INTS10: variants seen among roughly 807,000 people sequenced by gnomAD.
INTS10 encodes the protein chromosome 8 open reading frame 35.
A neutral mutation model predicts 94.4 loss-of-function variants in INTS10; 44 were observed. The observed-to-expected ratio is 0.47, with a 90% CI of 0.37 to 0.60. INTS10 has a LOEUF of 0.60. Ranked by LOEUF, INTS10 falls within the 20% of genes least tolerant of loss-of-function variation. INTS10 has a pLI of 0.00. For synonymous variants in INTS10, 341 were observed against 320.7 expected (o/e 1.06, Z -0.68); for missense variants, 797 against 868.7 (o/e 0.92, Z 1.04).
At position 19,832,055 on chromosome 8, in the gene INTS10, A is replaced by G. The variant is rs2067269449; in HGVS notation, c.1322A>G (p.Lys441Arg). The change falls in exon 11 of 17, where the codon AAG becomes AGG. Residue 441 changes from lysine to arginine, a missense_variant. Lys to Arg is a conservative substitution (Grantham distance 26). Transcript: ENST00000397977. ...KEFTRICLAWKTDTWLWLRIF... is the reference protein window; with the variant it reads ...KEFTRICLAWRTDTWLWLRIF... ...TTTACAAGGATTTGCTTGGCCTGGA[A>G]GACGGATACTTGGCTTTGGTTAAGA... 1 of 1,606,636 alleles carries G rather than the reference A, an allele frequency of 6.2e-7. No individual in the cohort carries two copies. Among genetic ancestry groups the G allele is most frequent in the African/African-American group, 1.3e-5 (1 of 74,772 alleles).
chr8:19,837,897 T>C (rs933181735), intron 13 of INTS10, among the ~76,000 whole-genome samples: 1 of 149,982 alleles, frequency 6.7e-6, no homozygotes, highest in Non-Finnish European at 1.5e-5. Flanking sequence ...ATTACCAGTA[T>C]CAGAAATGAA....
chr8:19,817,862 C>T (rs903073073), intron 1 of INTS10, among the ~76,000 whole-genome samples, 196 bp downstream of exon 1: 3 of 151,708 alleles, frequency 2.0e-5, no homozygotes, highest in Non-Finnish European at 2.9e-5. Context: ...CGCCTTGCTC[C>T]TACACCTTCC....
chr8:19,835,511 A>C (rs147513128), intron 12 of INTS10, among the ~76,000 whole-genome samples: 1 of 152,356 alleles, frequency 6.6e-6, no homozygotes, highest in Non-Finnish European at 1.5e-5. Context: ...ATAGGCATTC[A>C]GGGAAGGGTG....
intron 15 of INTS10, 74 bp from the exon 16 acceptor site, chr8:19,845,630 C>T: frequency 2.9e-6 from 3 of 1,030,654 alleles, no homozygotes; most frequent in East Asian, 2.4e-5. Context: ...TACTCAACTG[C>T]CGAGACCCCA....
In INTS10 at chr8:19,851,117, A is replaced by G. The variant is rs1490142447; in HGVS notation, c.1977-532A>G. 6.6e-6 allele frequency among the ~76,000 whole-genome samples: 1 copy of G among 152,144 alleles called. No homozygotes were observed. Among genetic ancestry groups the G allele is most frequent in the Non-Finnish European group, 1.5e-5 (1 of 68,032 alleles). On this transcript the variant is annotated intron_variant, in intron 16 of 16. Transcript: ENST00000397977. The surrounding 1 kb of genome is among the most constrained non-coding windows in gnomAD (Gnocchi z 5.0). ...GCTGCCCTATTCTGGTGTCCTGGGG[A>G]GAGAGACGTGCTTGTGACCCCGGCT...
Position 19,844,238 on chromosome 8 carries a change from A to G in INTS10, c.1882A>G (p.Asn628Asp). 6.3e-7 allele frequency: 1 copy of G among 1,598,572 alleles called. No homozygotes were observed. Among genetic ancestry groups the G allele is most frequent in the Non-Finnish European group, 8.6e-7 (1 of 1,166,904 alleles). Residue 628 changes from asparagine to aspartate, a missense_variant and splice_region_variant, in exon 15 of 17, where the codon AAT becomes GAT. Physicochemically the swap from Asn to Asp is conservative, Grantham distance 23 (BLOSUM62 1). Transcript: ENST00000397977. Reference protein sequence around the residue: ...QYENFFNYVTNIDMLEEFAYL... With the variant: ...QYENFFNYVTDIDMLEEFAYL... The stretch of plus-strand genomic sequence containing the variant: ...TGAGAATTTTTTCAATTACGTTACA[A>G]GTATCCTTTTTTCTTGTTTAAGCAT...
intron 9 of INTS10, among the ~76,000 whole-genome samples, chr8:19,827,510 C>T (rs1218078605): frequency 6.6e-6 from 1 of 152,186 alleles, no homozygotes; most frequent in Non-Finnish European, 1.5e-5. Flanking sequence ...ATTTTCTCTG[C>T]CTCGTCCTCT....
chr8:19,844,108 G>A lies in INTS10; in HGVS notation c.1752G>A (p.Met584Ile). The A allele has an allele frequency of 6.2e-7, 1 of 1,611,940 alleles. No homozygotes were observed. The highest frequency in any genetic ancestry group is 8.5e-7 in the Non-Finnish European group (1 of 1,178,838). Reference sequence around the variant, plus strand: ...CTTTCACAGACAACAGAGACGACATGGCATTGGGGCATGTGATTGTGTTGC... The same window carrying A: ...CTTTCACAGACAACAGAGACGACATAGCATTGGGGCATGTGATTGTGTTGC... ...LRAFTDNRDD[M>I]ALGHVIVLLQ... is the part of the protein sequence containing the mutation. Residue 584 changes from methionine (M) to isoleucine (I), a missense_variant, in exon 15 of 17, where the codon ATG (methionine) becomes ATA (isoleucine). By Grantham distance (10) the Met-to-Ile change is conservative (BLOSUM62 1). This residue lies in a region of INTS10 where 734 missense variants were observed against 787.8 expected (regional missense o/e 0.93). Transcript: ENST00000397977.
chr8:19,831,992 T>C (rs1309582664), intron 10 of INTS10, 36 bp from the exon 11 acceptor site: 2 of 1,194,296 alleles, frequency 1.7e-6, no homozygotes, highest in Non-Finnish European at 2.5e-6. Context: ...CTTTGCTGCA[T>C]ATATTTGGTA....
chr8:19,839,563 G>GT (rs2067951536), intron 13 of INTS10, among the ~76,000 whole-genome samples: 1 of 151,968 alleles, frequency 6.6e-6, no homozygotes, highest in African/African-American at 2.4e-5. Flanking sequence ...GTCAGGCTTA[G>GT]TGGTGTGCAC....
At position 19,838,068 on chromosome 8, in the gene INTS10, A is replaced by G. The variant is rs1227826037; in HGVS notation, c.1639+908A>G. On this transcript the variant is annotated intron_variant, in intron 13 of 16. Transcript: ENST00000397977. The stretch of plus-strand genomic sequence containing the variant: ...CACAAAAAATAAACAGAAAATCAGA[A>G]TGTTCTGCCAGGAACAGTAGCTCAT... Among the ~76,000 whole-genome samples, 3 of 152,330 alleles carry G rather than the reference A, an allele frequency of 2.0e-5. No individual in the cohort carries two copies. In the East Asian group the frequency reaches 5.8e-4, roughly 29 times the overall value.
chr8:19,823,486 A>G (rs1376783148), intron 6 of INTS10, 45 bp downstream of exon 6: 8 of 1,318,312 alleles, frequency 6.1e-6, no homozygotes, highest in African/African-American at 1.5e-5. Flanking sequence ...GGCTTTAGTA[A>G]TATTGCAAAA....
chr8:19,835,074 G>C (rs1197415591), intron 12 of INTS10, among the ~76,000 whole-genome samples: 1 of 151,370 alleles, frequency 6.6e-6, no homozygotes, highest in Admixed American at 6.6e-5. Context: ...TAGACATTCA[G>C]ACCATAGTAC....
chr8:19,838,963 T>G (rs1382362608), intron 13 of INTS10, among the ~76,000 whole-genome samples: 1 of 151,976 alleles, frequency 6.6e-6, no homozygotes, highest in Non-Finnish European at 1.5e-5. Flanking sequence ...TCCCAGCTAC[T>G]CGGGAGGCTG....
chr8:19,850,750 C>T (rs2068959349), intron 16 of INTS10, among the ~76,000 whole-genome samples: 1 of 152,196 alleles, frequency 6.6e-6, no homozygotes, highest in Admixed American at 6.5e-5. Context: ...AAACTCCCTT[C>T]CTCTTAACTG....
rs2128821082 is a variant in INTS10, at chr8:19,851,936, C to A, written c.*131C>A. On this transcript the variant is annotated 3_prime_UTR_variant, in exon 17 of 17. Coordinates refer to ENST00000397977, the MANE Select transcript of INTS10 (RefSeq NM_018142.4). The surrounding 1 kb of genome is among the most constrained non-coding windows in gnomAD (Gnocchi z 5.0). The stretch of plus-strand genomic sequence containing the variant: ...AAGAAGAAAACCATCTGAGTTCTAA[C>A]TCCTTGGTTGCTTAAAAGTAGTTCC... The A allele has an allele frequency of 1.5e-6, 1 of 677,316 alleles. No individual in the cohort carries two copies. Among genetic ancestry groups the A allele is most frequent in the Non-Finnish European group, 2.4e-6 (1 of 421,954 alleles). 42.0% of individuals were successfully genotyped at this position (677,316 alleles called of 1,614,324 possible). A position where few individuals can be genotyped will look rare whatever the true frequency, so the allele number is the denominator to read the frequency against.
chr8:19,848,470 T>C (rs1047306607), intron 16 of INTS10, among the ~76,000 whole-genome samples: 1 of 152,074 alleles, frequency 6.6e-6, no homozygotes, highest in Non-Finnish European at 1.5e-5. Flanking sequence ...TGTATTAGAG[T>C]GGATTAAAAT....
chr8:19,845,677 T>C (rs779813144), intron 15 of INTS10, 27 bp from the exon 16 acceptor site: 2 of 1,541,890 alleles, frequency 1.3e-6, no homozygotes, highest in Non-Finnish European at 1.8e-6. Context: ...TTTTTTTACA[T>C]GTGGTTAACC....
Position 19,818,335 on chromosome 8 carries a change from T to A in INTS10, c.190T>A (p.Tyr64Asn). ...ERTATAGRLL[Y>N]DMFVNFPDQP... is the part of the protein sequence containing the mutation. ...GACCGCCACCGCCGGGAGGCTGCTG[T>A]ACGACATGTGAGTGGGACGCTTGAC... Residue 64 changes from tyrosine (Y) to asparagine (N), a missense_variant, in exon 2 of 17, where the codon TAC becomes AAC. Tyr to Asn is a moderately radical substitution (Grantham distance 143). Coordinates refer to ENST00000397977, the MANE Select transcript of INTS10 (RefSeq NM_018142.4). 6.2e-7 allele frequency: 1 copy of A among 1,614,174 alleles called. No individual in the cohort carries two copies. Among genetic ancestry groups the A allele is most frequent in the Admixed American group, 1.7e-5 (1 of 60,022 alleles).
Sources: allele counts gnomAD v4.1 joint callset (sites outside exome capture counted in the v4.1 genomes callset), GRCh38; gene constraint gnomAD v4.1.1; regional missense constraint gnomAD v4.1.1; non-coding constraint Gnocchi (gnomAD v3.1); transcripts MANE v1.5; gene names NCBI Gene and HGNC (gene_info 2026-07-23, HGNC 2026-07-21).